The following DPYD variants were observed in gnomAD, a reference collection of about 807,000 sequenced individuals.
DPYD encodes the protein dihydropyrimidine dehydrogenase [NADP(+)].
DPYD carries 109 observed loss-of-function variants against 116.2 expected under a neutral mutation model. The observed-to-expected ratio is 0.94, with a 90% CI of 0.80 to 1.10. The LOEUF is 1.10. DPYD is among the 50% of genes least tolerant of loss of function. DPYD has a pLI of 0.00. For missense variants in DPYD, 1,302 were observed against 1,254.5 expected, an observed-to-expected ratio of 1.04 and a Z score of -0.57; for synonymous variants, 440 against 432.0, an observed-to-expected ratio of 1.02 and a Z score of -0.23.
At chr1:97,238,143 C>A (rs1422543475) in intron 18 of DPYD, among the ~76,000 whole-genome samples, 1 of 152,110 alleles carries the variant, frequency 6.6e-6, no homozygotes, top group Non-Finnish European at 1.5e-5. Flanking sequence ...CCAATTTATG[C>A]TTTTCTTCCT....
intron 8 of DPYD, among the ~76,000 whole-genome samples, chr1:97,667,642 T>C (rs1659638155): frequency 6.6e-6 from 1 of 152,128 alleles, no homozygotes. Context: ...GTAGCTACTT[T>C]GGAAACAGTA....
chr1:97,752,356 A>G (rs1664981866), intron 3 of DPYD, among the ~76,000 whole-genome samples: 1 of 152,122 alleles, frequency 6.6e-6, no homozygotes, highest in African/African-American at 2.4e-5. Context: ...AATTCAATTT[A>G]AATTTAAATA....
intron 14 of DPYD, among the ~76,000 whole-genome samples, chr1:97,419,853 T>C (rs1674486979): frequency 6.6e-6 from 1 of 152,192 alleles, no homozygotes; most frequent in Admixed American, 6.5e-5. Flanking sequence ...GTTCAAATTG[T>C]TCTGTAGAAA....
chr1:97,510,315 T>G (rs865875220), intron 13 of DPYD, among the ~76,000 whole-genome samples: 3 of 146,174 alleles, frequency 2.1e-5, no homozygotes, highest in Middle Eastern at 7.0e-3. Context: ...TATGGACAAG[T>G]GATTGCTATG....
chr1:97,791,258 A>G (rs1187611924), intron 3 of DPYD, among the ~76,000 whole-genome samples: 1 of 152,170 alleles, frequency 6.6e-6, no homozygotes, highest in Admixed American at 6.5e-5. Flanking sequence ...TGTGACAATC[A>G]TTTCCAAATG....
At chr1:97,869,087 C>A (rs1671535451) in intron 2 of DPYD, among the ~76,000 whole-genome samples, 1 of 151,784 alleles carries the variant, frequency 6.6e-6, no homozygotes, top group Non-Finnish European at 1.5e-5. Context: ...AATGGCCACC[C>A]TGCAGCACCA....
chr1:97,670,777 T>C (rs1659820585), intron 8 of DPYD, among the ~76,000 whole-genome samples: 1 of 152,192 alleles, frequency 6.6e-6, no homozygotes, highest in South Asian at 2.1e-4. Flanking sequence ...TTTTTCTTAG[T>C]TCAGTAATTT....
chr1:97,342,801 G>C (rs1343636813), intron 16 of DPYD, among the ~76,000 whole-genome samples: 1 of 152,052 alleles, frequency 6.6e-6, no homozygotes, highest in Non-Finnish European at 1.5e-5. Context: ...ATTTTGAATT[G>C]TTTTTATTTA....
At chr1:97,629,735 TATATC>T (rs1398475101) in intron 8 of DPYD, among the ~76,000 whole-genome samples, 1 of 152,064 alleles carries the variant, frequency 6.6e-6, no homozygotes, top group African/African-American at 2.4e-5. Context: ...ATCTTTGCCA[TATATC>T]AATATATTCA....
chr1:97,209,305 T>C (rs1406975094), intron 19 of DPYD, among the ~76,000 whole-genome samples: 2 of 152,174 alleles, frequency 1.3e-5, no homozygotes, highest in African/African-American at 4.8e-5. Flanking sequence ...CTATAAAATG[T>C]CACACTTTAA....
At chr1:97,725,048 T>C (rs1013222847) in intron 4 of DPYD, among the ~76,000 whole-genome samples, 1 of 151,438 alleles carries the variant, frequency 6.6e-6, no homozygotes, top group Non-Finnish European at 1.5e-5. Context: ...ATCTTGTATA[T>C]ACAAACCCTA....
At chr1:97,415,446 G>A (rs1674239976) in intron 14 of DPYD, among the ~76,000 whole-genome samples, 1 of 152,100 alleles carries the variant, frequency 6.6e-6, no homozygotes, top group Admixed American at 6.6e-5. Flanking sequence ...TCCTGCCTCT[G>A]CCTCCCGAGT....
intron 18 of DPYD, among the ~76,000 whole-genome samples, chr1:97,290,896 G>C (rs1270029564): frequency 1.3e-5 from 2 of 151,840 alleles, no homozygotes; most frequent in African/African-American, 4.8e-5. Context: ...AGAGTGAACA[G>C]GCAACCTACA....
intron 2 of DPYD, among the ~76,000 whole-genome samples, chr1:97,838,808 G>A (rs1571445733): frequency 6.6e-6 from 1 of 152,018 alleles, no homozygotes; most frequent in African/African-American, 2.4e-5. Flanking sequence ...TTGCGCCACT[G>A]CAGTCCGCAG....
intron 19 of DPYD, among the ~76,000 whole-genome samples, chr1:97,225,867 A>C (rs1035856605): frequency 6.6e-6 from 1 of 152,046 alleles, no homozygotes; most frequent in Non-Finnish European, 1.5e-5. Context: ...TTAAGTCTTT[A>C]ATTCATTTTG....
Position 97,229,714 on chromosome 1 carries a change from C to CCAGCT in DPYD, c.2442+5133_2442+5137dup, listed in dbSNP as rs577639910. On this transcript the variant is annotated intron_variant, in intron 19 of 22. Coordinates refer to ENST00000370192, the MANE Select transcript of DPYD (RefSeq NM_000110.4). ...CTTTAAATTTCTACAGATTAGATTG[C>CCAGCT]CAGCTCTCTGGGCAATAAATTCTCC... Among the ~76,000 whole-genome samples the CCAGCT allele has an allele frequency of 8.8e-4, 133 of 151,838 alleles. 4 individuals are homozygous for CCAGCT. The South Asian group carries it at 0.026, about 30-fold the overall frequency.
At chr1:97,588,239 G>A (rs1654276125) in intron 10 of DPYD, among the ~76,000 whole-genome samples, 1 of 152,134 alleles carries the variant, frequency 6.6e-6, no homozygotes, top group Non-Finnish European at 1.5e-5. Context: ...GGAAGCTAAG[G>A]CGTACCAGGG....
intron 14 of DPYD, among the ~76,000 whole-genome samples, chr1:97,427,418 TA>T (rs1485338787): frequency 6.6e-6 from 1 of 152,042 alleles, no homozygotes; most frequent in East Asian, 1.9e-4. Context: ...ATACAGGCGA[TA>T]ATATAAAACT....
chr1:97,180,315 C>A (rs1425880443), intron 20 of DPYD, among the ~76,000 whole-genome samples: 3 of 151,982 alleles, frequency 2.0e-5, no homozygotes, highest in Non-Finnish European at 4.4e-5. Context: ...ACTAATATTC[C>A]CTTTATTCAA....
Sources: gnomAD v4.1 joint callset for allele counts (sites outside exome capture counted in the v4.1 genomes callset) on GRCh38, gnomAD v4.1.1 for gene constraint, MANE v1.5 for transcripts, NCBI Gene and HGNC (gene_info 2026-07-23, HGNC 2026-07-21) for gene names.